Variants in CHD3 observed in about 807,000 individuals in gnomAD.
The protein encoded by CHD3 is chromodomain helicase DNA binding protein 3, also known as ATP-dependent chromatin remodeler CHD3.
In CHD3, 52 loss-of-function variants were observed where a neutral mutation model predicts 248.9. That is an observed-to-expected ratio of 0.21 (90% confidence interval 0.17 to 0.26). The LOEUF (loss-of-function observed/expected upper bound fraction) is 0.26, where lower values mean the gene tolerates loss of function less well. Ranked by LOEUF, CHD3 falls within the 10% of genes least tolerant of loss-of-function variation. The probability of loss-of-function intolerance (pLI) is 1.00; values close to 1 mark genes in which losing one functional copy is unlikely to be tolerated. For missense variants in CHD3, 1,482 were observed against 2,605.8 expected (o/e 0.57, Z 9.39); for synonymous variants, 985 against 985.2 (o/e 1.00, Z 0.00).
Position 7,903,562 on chromosome 17 carries a change from T to C in CHD3, c.3727+59T>C, listed in dbSNP as rs1970555734. The C allele has an allele frequency of 1.4e-5, 20 of 1,411,666 alleles. No homozygotes were observed. The South Asian group carries it at 1.7e-4, about 12-fold the overall frequency. The allele number at this position is 1,411,666 out of a possible 1,614,324, so 87.4% of individuals were successfully genotyped here. ...GCCCCTGCTCTCTCAGGAGTACTTA[T>C]CAGCCCCCTGGGGAGAGAAAAACAA... On this transcript the variant is annotated intron_variant, in intron 23 of 39. Coordinates refer to ENST00000330494, the MANE Select transcript of CHD3 (RefSeq NM_001005273.3). This position sits in a 1 kb window ranked among gnomAD's most constrained non-coding sequence, Gnocchi z 6.8.
chr17:7,910,118 G>T lies in CHD3; in HGVS notation c.5591-310G>T. On this transcript the variant is annotated intron_variant, in intron 37 of 39. Coordinates refer to ENST00000330494, the MANE Select transcript of CHD3 (RefSeq NM_001005273.3). The surrounding 1 kb of genome is among the most constrained non-coding windows in gnomAD (Gnocchi z 4.7). ...TGTTCTGACAACTCCCCGCCCCCAT[G>T]TCTTCCAATGTCCCCCCATCTTCCT... The T allele has an allele frequency of 8.3e-6, 3 of 360,888 alleles. No homozygotes were observed. The highest frequency in any genetic ancestry group is 1.0e-5 in the Non-Finnish European group (2 of 199,914). The allele number at this position is 360,888 out of a possible 1,614,324, so 22.4% of individuals were successfully genotyped here.
Position 7,905,749 on chromosome 17 carries a change from T to C in CHD3, c.4224+43T>C. Reference sequence around the variant, plus strand: ...TGTTCCTGAGTTCTCCAAGAGGGCATGAGGGCAGGAGGTTGGAAGTTGGTG... The same window carrying C: ...TGTTCCTGAGTTCTCCAAGAGGGCACGAGGGCAGGAGGTTGGAAGTTGGTG... On this transcript the variant is annotated intron_variant, in intron 27 of 39. Transcript: ENST00000330494. The surrounding 1 kb of genome is among the most constrained non-coding windows in gnomAD (Gnocchi z 5.8). 2 of 1,612,870 alleles carry C rather than the reference T, an allele frequency of 1.2e-6. No individual in the cohort carries two copies. Among genetic ancestry groups the C allele is most frequent in the African/African-American group, 1.3e-5 (1 of 74,998 alleles).
rs1404607058 is a variant in CHD3, at chr17:7,889,739, A to G, written c.176A>G (p.Glu59Gly). The G allele has an allele frequency of 2.5e-6, 4 of 1,613,152 alleles. No individual in the cohort carries two copies. The highest frequency in any genetic ancestry group is 2.5e-6 in the Non-Finnish European group (3 of 1,179,500). Residue 59 changes from glutamate to glycine, a missense_variant, in exon 2 of 40, where the codon GAG (glutamate) becomes GGG (glycine). By Grantham distance (98) the Glu-to-Gly change is moderately conservative. Coordinates refer to ENST00000330494, the MANE Select transcript of CHD3 (RefSeq NM_001005273.3). The surrounding 1 kb of genome is among the most constrained non-coding windows in gnomAD (Gnocchi z 4.5). ...AAACGAGGACCCAAGAAGCAGAAGGAGAACAAGCCAGGAAAACCCCGAAAA... is the reference window on the plus strand; with the variant it reads ...AAACGAGGACCCAAGAAGCAGAAGGGGAACAAGCCAGGAAAACCCCGAAAA... Reference protein sequence around the residue: ...KRKRGPKKQKENKPGKPRKRK... With the variant: ...KRKRGPKKQKGNKPGKPRKRK...
upstream of CHD3, among the ~76,000 whole-genome samples, chr17:7,886,031 C>T (rs1470855655): frequency 6.6e-6 from 1 of 152,210 alleles, no homozygotes; most frequent in Non-Finnish European, 1.5e-5. The surrounding 1 kb of genome is among the most constrained non-coding windows in gnomAD (Gnocchi z 4.2). Flanking sequence ...GGGTCCCCCT[C>T]TTGACCCCGT....
Position 7,900,464 on chromosome 17 carries a change from A to G in CHD3, c.2804+53A>G, listed in dbSNP as rs1304679321. 3 of 1,613,250 alleles carry G rather than the reference A, an allele frequency of 1.9e-6. No homozygotes were observed. Among genetic ancestry groups the G allele is most frequent in the Non-Finnish European group, 2.5e-6 (3 of 1,179,548 alleles). On this transcript the variant is annotated intron_variant, in intron 17 of 39. Coordinates refer to ENST00000330494, the MANE Select transcript of CHD3 (RefSeq NM_001005273.3). The surrounding 1 kb of genome is among the most constrained non-coding windows in gnomAD (Gnocchi z 6.5). The stretch of plus-strand genomic sequence containing the variant: ...AGAGATGAGAGGTGGAGCAGATAAA[A>G]TGAGCTGGTAGAGGATTAATCTGAG...
chr17:7,885,883 C>A (rs1194424190), upstream of CHD3, among the ~76,000 whole-genome samples: 1 of 152,210 alleles, frequency 6.6e-6, no homozygotes, highest in Non-Finnish European at 1.5e-5. Context: ...TCCCCTCGCT[C>A]CCCCAGCCTG....
chr17:7,898,551 A>G lies in CHD3; in HGVS notation c.2107A>G (p.Lys703Glu), dbSNP rs1314275629. Residue 703 changes from lysine (K) to glutamate (E), a missense_variant, in exon 13 of 40, where the codon AAG becomes GAG. Lys to Glu is a moderately conservative substitution (Grantham distance 56, BLOSUM62 1). Around this residue, in one of 20 missense-constraint regions of CHD3, gnomAD observed 127 missense variants for 188.3 expected, o/e 0.67. Transcript: ENST00000330494. Reference sequence around the variant, plus strand: ...GCCCCGCAAGTATAAGAAGAAGAAGAAGGAGCTACAGGGTGATGGGCCTCC... The same window carrying G: ...GCCCCGCAAGTATAAGAAGAAGAAGGAGGAGCTACAGGGTGATGGGCCTCC... The part of the protein sequence containing the change: ...AQPRKYKKKK[K>E]ELQGDGPPSS... 6.2e-7 allele frequency: 1 copy of G among 1,613,750 alleles called. No individual in the cohort carries two copies. Among genetic ancestry groups the G allele is most frequent in the Non-Finnish European group, 8.5e-7 (1 of 1,179,734 alleles).
intron 10 of CHD3, among the ~76,000 whole-genome samples, chr17:7,896,227 CAAAA>C (rs750972677): frequency 3.5e-5 from 2 of 57,926 alleles, no homozygotes; most frequent in Non-Finnish European, 6.9e-5. Context: ...CACTCTATCT[CAAAA>C]AAAAAAAAAA....
At chr17:7,901,402 C>T (rs760020057) in intron 20 of CHD3, 27 bp downstream of exon 20, 2 of 1,547,440 alleles carry the variant, frequency 1.3e-6, no homozygotes, top group Non-Finnish European at 8.8e-7. Context: ...GCTGTCTTTA[C>T]ATCTGCTTCC....
chr17:7,906,391 T>C lies in CHD3; in HGVS notation c.4359-162T>C. ...GGGGCGCAGGGGGACAGTTAGGACTTGGAGGGCTGGTAATGGTGAGAGTGA... is the reference window on the plus strand; with the variant it reads ...GGGGCGCAGGGGGACAGTTAGGACTCGGAGGGCTGGTAATGGTGAGAGTGA... On this transcript the variant is annotated intron_variant, in intron 28 of 39. Coordinates refer to ENST00000330494, the MANE Select transcript of CHD3 (RefSeq NM_001005273.3). This position sits in a 1 kb window ranked among gnomAD's most constrained non-coding sequence, Gnocchi z 5.0. 4.1e-6 allele frequency: 3 copies of C among 737,448 alleles called. No individual in the cohort carries two copies. The highest frequency in any genetic ancestry group is 2.5e-5 in the East Asian group (1 of 39,812). 45.7% of individuals were successfully genotyped at this position (737,448 alleles called of 1,614,324 possible). A position where few individuals can be genotyped will look rare whatever the true frequency, so the allele number is the denominator to read the frequency against.
upstream of CHD3, among the ~76,000 whole-genome samples, chr17:7,886,107 C>G (rs561948925): frequency 1.3e-5 from 2 of 152,188 alleles, no homozygotes; most frequent in Non-Finnish European, 2.9e-5. The surrounding 1 kb of genome is among the most constrained non-coding windows in gnomAD (Gnocchi z 4.2). Context: ...GTCACTCACT[C>G]TCTCGCTGAA....
Position 7,898,615 on chromosome 17 carries a change from AT to A in CHD3, c.2151+23del. The A allele has an allele frequency of 6.3e-7, 1 of 1,587,716 alleles. No homozygotes were observed. Among genetic ancestry groups the A allele is most frequent in the East Asian group, 2.2e-5 (1 of 44,710 alleles). Reference sequence around the variant, plus strand: ...AATGATGTGAGTCCTCTCAGTTGTCATTTCTTGTTTCTGGAGTGATGGTGAT... The same window carrying A: ...AATGATGTGAGTCCTCTCAGTTGTCATTCTTGTTTCTGGAGTGATGGTGAT... On this transcript the variant is annotated intron_variant, in intron 13 of 39. Coordinates refer to ENST00000330494, the MANE Select transcript of CHD3 (RefSeq NM_001005273.3).
At chr17:7,893,206 A>T in intron 4 of CHD3, 80 bp from the exon 5 acceptor site, 1 of 1,473,438 alleles carries the variant, frequency 6.8e-7, no homozygotes, top group African/African-American at 1.4e-5. Context: ...GCATGTACAT[A>T]GATTTAATTG....
chr17:7,890,783 A>T, intron 3 of CHD3, 42 bp downstream of exon 3: 1 of 1,584,996 alleles, frequency 6.3e-7, no homozygotes, highest in Non-Finnish European at 8.6e-7. Context: ...TCTGCATTAA[A>T]GACGGGCATG....
chr17:7,906,343 G>C lies in CHD3; in HGVS notation c.4359-210G>C, dbSNP rs1335573001. 3 of 678,804 alleles carry C rather than the reference G, an allele frequency of 4.4e-6. No individual in the cohort carries two copies. In the East Asian group the frequency reaches 7.5e-5, roughly 17 times the overall value. The allele number at this position is 678,804 out of a possible 1,614,324, so 42.0% of individuals were successfully genotyped here. On this transcript the variant is annotated intron_variant, in intron 28 of 39. Coordinates refer to ENST00000330494, the MANE Select transcript of CHD3 (RefSeq NM_001005273.3). This position sits in a 1 kb window ranked among gnomAD's most constrained non-coding sequence, Gnocchi z 5.0. ...TGGGGCCCAGGAATTAAGTACCAAG[G>C]CCAAAGGGAAAGACCCAGGGGTGGG...
Position 7,907,670 on chromosome 17 carries a change from C to G in CHD3, c.4994C>G (p.Pro1665Arg). 1 of 1,535,914 alleles carries G rather than the reference C, an allele frequency of 6.5e-7. No individual in the cohort carries two copies. Among genetic ancestry groups the G allele is most frequent in the Non-Finnish European group, 8.7e-7 (1 of 1,148,534 alleles). Reference sequence around the variant, plus strand: ...GATGGACAGGAACACAGGGAGAGGCCGGAGGGGGAAACAGGGGATTTGGGC... The same window carrying G: ...GATGGACAGGAACACAGGGAGAGGCGGGAGGGGGAAACAGGGGATTTGGGC... ...PLDGQEHRER[P>R]EGETGDLGKR... The change falls in exon 33 of 40, where the codon CCG becomes CGG. Residue 1665 changes from proline to arginine, a missense_variant. Pro to Arg is a moderately radical substitution (Grantham distance 103, BLOSUM62 -2). Transcript: ENST00000330494. This position sits in a 1 kb window ranked among gnomAD's most constrained non-coding sequence, Gnocchi z 4.3.
chr17:7,889,194 T>C lies in CHD3; in HGVS notation c.100+94T>C. ...TAGTGTGAGAACCCAGGTGTCCACC[T>C]TTGGCTCTCCCTCCCCAGCATCTGG... On this transcript the variant is annotated intron_variant, in intron 1 of 39. Transcript: ENST00000330494. The surrounding 1 kb of genome is among the most constrained non-coding windows in gnomAD (Gnocchi z 4.5). The C allele has an allele frequency of 1.3e-6, 2 of 1,492,686 alleles. No individual in the cohort carries two copies. Among genetic ancestry groups the C allele is most frequent in the South Asian group, 2.4e-5 (2 of 84,068 alleles). The allele number at this position is 1,492,686 out of a possible 1,614,324, so 92.5% of individuals were successfully genotyped here.
At chr17:7,884,890 C>T (rs1336120575), upstream of CHD3, 3 of 1,297,690 alleles carry the variant, frequency 2.3e-6, no homozygotes, top group East Asian at 3.2e-5. Flanking sequence ...AAGAAGAGGG[C>T]GACGAGGAGG....
chr17:7,891,652 G>A (rs922824879), intron 4 of CHD3, among the ~76,000 whole-genome samples: 4 of 152,120 alleles, frequency 2.6e-5, no homozygotes, highest in African/African-American at 9.7e-5. Flanking sequence ...CCTGAGGTCA[G>A]GAGTTCAGGA....
Sources: gnomAD v4.1 joint callset for allele counts (sites outside exome capture counted in the v4.1 genomes callset) on GRCh38, gnomAD v4.1.1 for gene constraint, gnomAD v4.1.1 regional missense constraint, Gnocchi (gnomAD v3.1) non-coding constraint, MANE v1.5 for transcripts, NCBI Gene and HGNC (gene_info 2026-07-23, HGNC 2026-07-21) for gene names.